Variants in PCDH11X observed in about 807,000 individuals in gnomAD.
PCDH11X encodes protocadherin 11 X-linked, also known as protocadherin-11 X-linked.
PCDH11X carries 18 observed loss-of-function variants against 53.3 expected under a neutral mutation model. That is an observed-to-expected ratio of 0.34 (90% CI 0.23 to 0.50). The LOEUF is 0.50. Ranked by LOEUF, PCDH11X falls within the 20% of genes least tolerant of loss-of-function variation. The pLI is 0.98. For missense variants in PCDH11X, 570 were observed against 1,032.4 expected (o/e 0.55, Z 6.14); for synonymous variants, 279 against 393.3 (o/e 0.71, Z 3.44).
chrX:92,433,584 T>A (rs2072300510), intron 9 of PCDH11X, among the ~76,000 whole-genome samples: 1 of 109,278 alleles, frequency 9.2e-6, no homozygotes, highest in Non-Finnish European at 1.9e-5. Context: ...TGCCAAAATG[T>A]CAGTGTTATG....
chrX:91,867,422 C>T (rs1364411741), intron 5 of PCDH11X, among the ~76,000 whole-genome samples: 9 of 109,315 alleles, frequency 8.2e-5, no homozygotes, highest in Non-Finnish European at 1.3e-4. Flanking sequence ...GGCATTTTTC[C>T]TATCAATGAG....
chrX:92,361,824 C>T (rs1294978419), intron 8 of PCDH11X, among the ~76,000 whole-genome samples: 1 of 108,136 alleles, frequency 9.2e-6, no homozygotes, highest in Admixed American at 1.0e-4. Context: ...ATGCCCCATT[C>T]CTCCTGGTAC....
intron 7 of PCDH11X, among the ~76,000 whole-genome samples, chrX:92,235,031 A>T (rs986719907): frequency 9.9e-5 from 11 of 111,355 alleles, no homozygotes; most frequent in African/African-American, 3.6e-4. Flanking sequence ...TTGAAAGTCC[A>T]TATGATTACA....
chrX:92,006,828 C>T (rs141102490), intron 6 of PCDH11X, among the ~76,000 whole-genome samples: 3 of 111,584 alleles, frequency 2.7e-5, no homozygotes, highest in African/African-American at 9.8e-5. Context: ...ACTCCAATCC[C>T]ATTAATGCTG....
At chrX:92,438,241 T>A (rs752982845) in intron 9 of PCDH11X, among the ~76,000 whole-genome samples, 1 of 111,960 alleles carries the variant, frequency 8.9e-6, no homozygotes, top group African/African-American at 3.2e-5. Context: ...TTTTAAAAAT[T>A]GCATGTATAT....
intron 10 of PCDH11X, among the ~76,000 whole-genome samples, chrX:92,544,609 C>A (rs942540960): frequency 4.6e-5 from 5 of 109,341 alleles, no homozygotes; most frequent in Non-Finnish European, 9.5e-5. Flanking sequence ...TGTGAACTCC[C>A]TTTGGTCTTG....
In PCDH11X at chrX:92,271,461, G is replaced by C. The variant is rs1390076639; in HGVS notation, c.3144+8318G>C. On this transcript the variant is annotated intron_variant, in intron 8 of 10. Coordinates refer to ENST00000682573, the MANE Select transcript of PCDH11X (RefSeq NM_032968.5). ...AGTACACTCCATAATGTGGGACTGGGCCTAAGCATAGGGGCTCAAAGGTCC... is the reference window on the plus strand; with the variant it reads ...AGTACACTCCATAATGTGGGACTGGCCCTAAGCATAGGGGCTCAAAGGTCC... Among the ~76,000 whole-genome samples the C allele has an allele frequency of 2.7e-5, 3 of 112,067 alleles. No homozygotes were observed. The East Asian group carries it at 8.4e-4, about 32-fold the overall frequency.
At chrX:92,618,205 G>A (rs1489029024) in intron 10 of PCDH11X, 59 bp from the exon 11 acceptor site, 21 of 1,155,211 alleles carry the variant, frequency 1.8e-5, no homozygotes, top group Non-Finnish European at 2.4e-5. Flanking sequence ...TATTTAAGTG[G>A]CTAATAAAAA....
intron 6 of PCDH11X, among the ~76,000 whole-genome samples, chrX:92,129,286 G>A (rs963800562): frequency 2.7e-5 from 3 of 110,508 alleles, no homozygotes; most frequent in Non-Finnish European, 5.7e-5. Context: ...AACTATTCAC[G>A]AGGCTGAGGC....
intron 6 of PCDH11X, among the ~76,000 whole-genome samples, chrX:91,993,891 C>A (rs1215010281): frequency 9.8e-6 from 1 of 101,946 alleles, no homozygotes; most frequent in Non-Finnish European, 2.0e-5. Context: ...TCAAGAATAA[C>A]ATTTTCTGCT....
rs2563397 is a variant in PCDH11X, at chrX:91,880,785, C to A, written c.3033+1512C>A. ...TAGTGGATCTGGGATGGGCAACAAACGTTAAGAGATGTCGAACATCTCCAC... is the reference window on the plus strand; with the variant it reads ...TAGTGGATCTGGGATGGGCAACAAAAGTTAAGAGATGTCGAACATCTCCAC... On this transcript the variant is annotated intron_variant, in intron 6 of 10. Transcript: ENST00000682573. Among the ~76,000 whole-genome samples the A allele has an allele frequency of 3.8e-3, 419 of 111,092 alleles. 4 individuals carry two copies. Among genetic ancestry groups the A allele is most frequent in the African/African-American group, 0.013 (406 of 30,672 alleles).
At chrX:91,794,983 A>G (rs993432661) in intron 1 of PCDH11X, among the ~76,000 whole-genome samples, 32 of 108,245 alleles carry the variant, frequency 3.0e-4, no homozygotes, top group African/African-American at 1.0e-3. Flanking sequence ...TGCCATCTAT[A>G]TAAGATGTGA....
intron 10 of PCDH11X, among the ~76,000 whole-genome samples, chrX:92,511,157 A>G (rs1231496122): frequency 8.9e-6 from 1 of 111,955 alleles, no homozygotes; most frequent in Non-Finnish European, 1.9e-5. Context: ...TGTGATATCT[A>G]TTAGTGTCTG....
At chrX:92,132,328 A>C (rs2064993615) in intron 6 of PCDH11X, among the ~76,000 whole-genome samples, 3 of 81,560 alleles carry the variant, frequency 3.7e-5, no homozygotes, top group South Asian at 1.7e-3. Flanking sequence ...AAAAAAAGCC[A>C]GGCGCAGTGG....
chrX:92,143,706 G>A, intron 6 of PCDH11X, among the ~76,000 whole-genome samples: 1 of 112,750 alleles, frequency 8.9e-6, no homozygotes. Context: ...GAAGGGAAAT[G>A]TGGGGTTGGA....
intron 6 of PCDH11X, among the ~76,000 whole-genome samples, chrX:91,987,610 C>T (rs778771624): frequency 1.8e-5 from 2 of 111,085 alleles, no homozygotes; most frequent in South Asian, 7.5e-4. Context: ...GAAGATTTTA[C>T]ATTGTATGAT....
chrX:91,963,023 G>A (rs766034498), intron 6 of PCDH11X, among the ~76,000 whole-genome samples: 1 of 111,226 alleles, frequency 9.0e-6, no homozygotes, highest in Admixed American at 9.5e-5. Context: ...GGCCTGTGAT[G>A]GGAGGGGCTA....
chrX:92,176,754 G>A (rs902834840), intron 6 of PCDH11X, among the ~76,000 whole-genome samples: 10 of 110,663 alleles, frequency 9.0e-5, no homozygotes, highest in African/African-American at 3.0e-4. Flanking sequence ...GTTGGAGTGC[G>A]AGAAGAGAAA....
intron 1 of PCDH11X, among the ~76,000 whole-genome samples, chrX:91,798,537 C>T (rs556506556): frequency 1.1e-4 from 12 of 107,680 alleles, no homozygotes; most frequent in Non-Finnish European, 2.3e-4. Flanking sequence ...TGCAGTGAGC[C>T]GAGATTGTGC....
Sources: gnomAD v4.1 joint callset for allele counts (sites outside exome capture counted in the v4.1 genomes callset) on GRCh38, gnomAD v4.1.1 for gene constraint, MANE v1.5 for transcripts, NCBI Gene and HGNC (gene_info 2026-07-23, HGNC 2026-07-21) for gene names.